CDKN2B-AS1: variants seen among roughly 807,000 people sequenced by gnomAD.
CDKN2B-AS1 encodes the protein CDKN2B and CDKN2A antisense cis and trans regulatory RNA 1.
intron 4 of CDKN2B-AS1, among the ~76,000 whole-genome samples, chr9:22,108,572 C>A (rs1825720646): frequency 1.3e-5 from 2 of 152,196 alleles, no homozygotes; most frequent in Middle Eastern, 3.2e-3. Flanking sequence ...CTCCCCTTAA[C>A]AAACATGGAG....
At chr9:22,084,568 C>A (rs1030261483) in intron 4 of CDKN2B-AS1, among the ~76,000 whole-genome samples, 3 of 151,980 alleles carry the variant, frequency 2.0e-5, no homozygotes, top group Non-Finnish European at 4.4e-5. Context: ...AGGGGGTGGG[C>A]AGGGGTGTGA....
At chr9:22,050,636 G>T (rs1250085748) in intron 3 of CDKN2B-AS1, among the ~76,000 whole-genome samples, 1 of 152,164 alleles carries the variant, frequency 6.6e-6, no homozygotes, top group Non-Finnish European at 1.5e-5. Context: ...GCTTTGGCTA[G>T]CTTCTTCTGT....
intron 4 of CDKN2B-AS1, among the ~76,000 whole-genome samples, chr9:22,096,099 G>A (rs913611068): frequency 3.9e-5 from 6 of 152,098 alleles, no homozygotes; most frequent in Non-Finnish European, 7.3e-5. Context: ...ATAGGGGTAG[G>A]GAATTCTAAT....
At chr9:22,029,746 A>C in intron 1 of CDKN2B-AS1, 1 of 396,916 alleles carries the variant, frequency 2.5e-6, no homozygotes, top group East Asian at 3.9e-5. Flanking sequence ...TTCCATTTTC[A>C]TGTGTTTATT....
intron 4 of CDKN2B-AS1, among the ~76,000 whole-genome samples, chr9:22,103,131 A>ATGTG (rs3221506): frequency 0.091 from 12,055 of 132,274 alleles, 632 homozygotes; most frequent in Admixed American, 0.14. Flanking sequence ...TCTAGAACAG[A>ATGTG]TGTGTGTGTG....
intron 4 of CDKN2B-AS1, among the ~76,000 whole-genome samples, chr9:22,070,058 A>G (rs1457357896): frequency 6.6e-6 from 1 of 152,160 alleles, no homozygotes; most frequent in African/African-American, 2.4e-5. Context: ...TGAAAACCAA[A>G]TGAACACTAT....
rs374229516 is a variant in CDKN2B-AS1, at chr9:22,062,986, C to CACACACACACATAT, written n.438+6600_438+6601insCACACACACATATA. ...TGTGTGTGAAAGACAGACACACACA[C>CACACACACACATAT]ATATATATATATAGAGAGAGAGAGA... is the stretch of plus-strand genomic sequence containing the variant. On this transcript the variant is annotated intron_variant and non_coding_transcript_variant, in intron 4 of 4. Transcript: ENST00000650946. 6.8e-3 allele frequency among the ~76,000 whole-genome samples: 924 copies of CACACACACACATAT among 136,704 alleles called. 13 individuals are homozygous for CACACACACACATAT. The highest frequency in any genetic ancestry group is 0.026 in the South Asian group (103 of 3,972). The allele number at this position is 136,704 out of a possible 152,430, so 89.7% of individuals were successfully genotyped here. A position where few individuals can be genotyped will look rare whatever the true frequency, so the allele number is the denominator to read the frequency against.
intron 4 of CDKN2B-AS1, among the ~76,000 whole-genome samples, chr9:22,069,930 T>A (rs145752049): frequency 1.9e-4 from 29 of 152,248 alleles, no homozygotes; most frequent in African/African-American, 6.7e-4. Context: ...GTGCACAATC[T>A]TGGCTCACTG....
chr9:22,092,710 T>C (rs1340846590), intron 4 of CDKN2B-AS1, among the ~76,000 whole-genome samples: 2 of 152,208 alleles, frequency 1.3e-5, no homozygotes, highest in Non-Finnish European at 2.9e-5. Context: ...GATTCTTCTC[T>C]CTTTTCTTCT....
Position 22,005,140 on chromosome 9 carries a change from G to A in CDKN2B-AS1, n.29+9979G>A. 1 of 233,242 alleles carries A rather than the reference G, an allele frequency of 4.3e-6. No homozygotes were observed. The highest frequency in any genetic ancestry group is 8.5e-6 in the Non-Finnish European group (1 of 118,132). 14.4% of individuals were successfully genotyped at this position (233,242 alleles called of 1,614,324 possible). A position where few individuals can be genotyped will look rare whatever the true frequency, so the allele number is the denominator to read the frequency against. On this transcript the variant is annotated intron_variant and non_coding_transcript_variant, in intron 1 of 4. Transcript: ENST00000650946. This position sits in a 1 kb window ranked among gnomAD's most constrained non-coding sequence, Gnocchi z 4.9. The stretch of plus-strand genomic sequence containing the variant: ...TGTGTGTGTGTGTGTGTGTGTGTGT[G>A]TGAAAGAAAACGTTACAGTTAACCG...
chr9:22,123,641 A>T (rs1013727725), intron 4 of CDKN2B-AS1, among the ~76,000 whole-genome samples: 1 of 151,470 alleles, frequency 6.6e-6, no homozygotes, highest in Non-Finnish European at 1.5e-5. Flanking sequence ...AAGATGGATT[A>T]AAAAAACCCT....
chr9:22,019,824 G>T (rs1301060345), intron 1 of CDKN2B-AS1, among the ~76,000 whole-genome samples: 1 of 152,068 alleles, frequency 6.6e-6, no homozygotes, highest in East Asian at 1.9e-4. Context: ...GAATAGTAGA[G>T]TATAAAGAAT....
At chr9:22,014,390 C>T (rs1045410501) in intron 1 of CDKN2B-AS1, among the ~76,000 whole-genome samples, 19 of 152,180 alleles carry the variant, frequency 1.2e-4, no homozygotes, top group African/African-American at 4.3e-4. Context: ...AACTACTGGG[C>T]TCAGCCTCCT....
chr9:22,014,392 C>A (rs1018990339), intron 1 of CDKN2B-AS1, among the ~76,000 whole-genome samples: 1 of 152,068 alleles, frequency 6.6e-6, no homozygotes, highest in Non-Finnish European at 1.5e-5. Flanking sequence ...CTACTGGGCT[C>A]AGCCTCCTAA....
intron 2 of CDKN2B-AS1, chr9:22,049,002 A>G (rs1487353752): frequency 6.6e-6 from 1 of 152,136 alleles, no homozygotes; most frequent in Non-Finnish European, 1.5e-5. Flanking sequence ...CTTTTTACCT[A>G]TTAGTATCAA....
chr9:22,006,249 T>C lies in CDKN2B-AS1; in HGVS notation n.29+11088T>C, dbSNP rs1270071909. 2 of 1,604,398 alleles carry C rather than the reference T, an allele frequency of 1.2e-6. No individual in the cohort carries two copies. Among genetic ancestry groups the C allele is most frequent in the Non-Finnish European group, 1.7e-6 (2 of 1,179,904 alleles). On this transcript the variant is annotated intron_variant and non_coding_transcript_variant, in intron 1 of 4. Coordinates refer to ENST00000650946, the Ensembl canonical transcript of CDKN2B-AS1. This position sits in a 1 kb window ranked among gnomAD's most constrained non-coding sequence, Gnocchi z 6.4. Reference sequence around the variant, plus strand: ...GCGGGCGCTGCCCATCATCATGACCTGCCAGAGAGAGCAGAGTGGTCAGAG... The same window carrying C: ...GCGGGCGCTGCCCATCATCATGACCCGCCAGAGAGAGCAGAGTGGTCAGAG...
chr9:22,036,676 A>T (rs1373930938), intron 1 of CDKN2B-AS1, among the ~76,000 whole-genome samples: 1 of 152,128 alleles, frequency 6.6e-6, no homozygotes, highest in Non-Finnish European at 1.5e-5. Context: ...GTTAGGAGTC[A>T]TCTGTCCATT....
chr9:22,071,619 G>T (rs183649788), intron 4 of CDKN2B-AS1, among the ~76,000 whole-genome samples: 18 of 152,034 alleles, frequency 1.2e-4, no homozygotes, highest in Non-Finnish European at 2.5e-4. Flanking sequence ...TGTATTCATT[G>T]GATATGAGTA....
intron 1 of CDKN2B-AS1, among the ~76,000 whole-genome samples, chr9:21,998,911 A>C (rs573847763): frequency 6.6e-6 from 1 of 152,226 alleles, no homozygotes; most frequent in Admixed American, 6.5e-5. Flanking sequence ...TTGATCATAT[A>C]TGTCAAAAGA....
Sources: allele counts gnomAD v4.1 joint callset (sites outside exome capture counted in the v4.1 genomes callset), GRCh38; gene constraint gnomAD v4.1.1; non-coding constraint Gnocchi (gnomAD v3.1); transcripts MANE v1.5; gene names NCBI Gene and HGNC (gene_info 2026-07-23, HGNC 2026-07-21).